EPHA6: variants seen among roughly 807,000 people sequenced by gnomAD.
EPHA6 encodes EPH receptor A6.
A neutral mutation model predicts 112.0 loss-of-function variants in EPHA6; 50 were observed. That is an observed-to-expected ratio of 0.45 (90% CI 0.36 to 0.56). The LOEUF is 0.56. EPHA6 is among the 20% of genes least tolerant of loss of function. The pLI is 0.00. For missense variants in EPHA6, 1,280 were observed against 1,417.4 expected, an observed-to-expected ratio of 0.90 and a Z score of 1.56; for synonymous variants, 529 against 490.7, an observed-to-expected ratio of 1.08 and a Z score of -1.03.
intron 3 of EPHA6, among the ~76,000 whole-genome samples, chr3:97,006,616 T>C (rs2043891461): frequency 6.6e-6 from 1 of 152,118 alleles, no homozygotes; most frequent in Admixed American, 6.6e-5. Flanking sequence ...TCAGTTCTTC[T>C]CTGGTCTTAG....
chr3:96,835,772 C>T (rs1016714175), intron 1 of EPHA6, among the ~76,000 whole-genome samples: 1 of 151,958 alleles, frequency 6.6e-6, no homozygotes, highest in East Asian at 1.9e-4. Context: ...ATTTTGGATA[C>T]CTTTCTTCTT....
Position 96,969,162 on chromosome 3 carries a change from A to G in EPHA6, c.451-18168A>G, listed in dbSNP as rs1343092039. Among the ~76,000 whole-genome samples, 7 of 152,092 alleles carry G rather than the reference A, an allele frequency of 4.6e-5. No homozygotes were observed. In the East Asian group the frequency reaches 7.7e-4, roughly 17 times the overall value. ...GAAATCAGCACCATGGAATTATCAT[A>G]AAAGAATAATACCTCCACTTTGAGA... is the stretch of plus-strand genomic sequence containing the variant. On this transcript the variant is annotated intron_variant, in intron 2 of 17. Transcript: ENST00000389672.
intron 3 of EPHA6, among the ~76,000 whole-genome samples, chr3:97,042,569 C>T (rs996571499): frequency 6.6e-6 from 1 of 152,118 alleles, no homozygotes; most frequent in Non-Finnish European, 1.5e-5. Flanking sequence ...GTACCTATTG[C>T]TAATATTTGT....
At chr3:97,525,359 T>G (rs2092604127) in intron 10 of EPHA6, among the ~76,000 whole-genome samples, 2 of 152,166 alleles carry the variant, frequency 1.3e-5, no homozygotes, top group African/African-American at 4.8e-5. Flanking sequence ...GGTTTCTATA[T>G]TTTATCAAAC....
At chr3:96,956,954 A>G (rs907510454) in intron 2 of EPHA6, among the ~76,000 whole-genome samples, 1 of 151,330 alleles carries the variant, frequency 6.6e-6, no homozygotes, top group Non-Finnish European at 1.5e-5. Flanking sequence ...AATCGCTTGA[A>G]CCCAGGAGGC....
chr3:97,119,629 G>A (rs992607786), intron 3 of EPHA6, among the ~76,000 whole-genome samples: 8 of 151,918 alleles, frequency 5.3e-5, no homozygotes, highest in African/African-American at 1.9e-4. Flanking sequence ...AAAAGCAGGA[G>A]GATTCTGAGT....
chr3:97,208,627 G>A lies in EPHA6; in HGVS notation c.1115-17637G>A, dbSNP rs137954616. On this transcript the variant is annotated intron_variant, in intron 3 of 17. Coordinates refer to ENST00000389672, the MANE Select transcript of EPHA6 (RefSeq NM_001080448.3). ...CTGGACATGGTGGTGCATGCCTGTA[G>A]CCCCAGTTACTTGGCAGGCTGAGGC... Among the ~76,000 whole-genome samples, 62 of 151,988 alleles carry A rather than the reference G, an allele frequency of 4.1e-4. 1 individual carries two copies. In the South Asian group the frequency reaches 6.2e-3, roughly 15 times the overall value.
At chr3:97,485,238 C>T (rs779683688) in intron 10 of EPHA6, among the ~76,000 whole-genome samples, 105 of 152,150 alleles carry the variant, frequency 6.9e-4, no homozygotes, top group Admixed American at 1.1e-3. Flanking sequence ...AGTCCTTTTT[C>T]CTCCAGAAGG....
chr3:96,945,431 C>T (rs548235115), intron 2 of EPHA6, among the ~76,000 whole-genome samples: 2 of 152,242 alleles, frequency 1.3e-5, no homozygotes, highest in East Asian at 1.9e-4. Flanking sequence ...TCAAGGCTAA[C>T]GAAAGTTGTG....
At chr3:97,119,359 A>C (rs553643059) in intron 3 of EPHA6, among the ~76,000 whole-genome samples, 1 of 152,158 alleles carries the variant, frequency 6.6e-6, no homozygotes, top group African/African-American at 2.4e-5. Context: ...AACACTGTCA[A>C]ATGTCTTGAT....
chr3:97,253,661 GA>G (rs773725824), intron 5 of EPHA6, among the ~76,000 whole-genome samples: 5 of 152,012 alleles, frequency 3.3e-5, no homozygotes, highest in Non-Finnish European at 7.4e-5. Flanking sequence ...TATATAAATA[GA>G]AATGTGCTTT....
At chr3:97,268,707 T>A (rs1386660513) in intron 5 of EPHA6, among the ~76,000 whole-genome samples, 1 of 152,162 alleles carries the variant, frequency 6.6e-6, no homozygotes, top group Non-Finnish European at 1.5e-5. Flanking sequence ...TTACTTATAC[T>A]TGAATGTTTA....
chr3:97,606,247 T>G (rs1354225930), intron 12 of EPHA6: 2 of 151,316 alleles, frequency 1.3e-5, no homozygotes. Flanking sequence ...ACTTGCTACC[T>G]AGTAGGCATT....
intron 3 of EPHA6, among the ~76,000 whole-genome samples, chr3:97,108,546 T>C (rs1387985964): frequency 6.6e-6 from 1 of 152,168 alleles, no homozygotes; most frequent in Middle Eastern, 3.2e-3. Flanking sequence ...GTTTGTGTAA[T>C]GCTTCATTAT....
chr3:97,355,715 T>A (rs1256063424), intron 5 of EPHA6, among the ~76,000 whole-genome samples: 2 of 152,174 alleles, frequency 1.3e-5, no homozygotes, highest in African/African-American at 4.8e-5. Context: ...GATTAATCTC[T>A]TCTTTCAGAA....
At chr3:96,837,380 G>A (rs138555149) in intron 1 of EPHA6, among the ~76,000 whole-genome samples, 8 of 152,198 alleles carry the variant, frequency 5.3e-5, no homozygotes, top group African/African-American at 1.7e-4. Context: ...AGGACATAAT[G>A]TTTGTTCAGA....
At chr3:97,179,784 TG>T (rs2076938725) in intron 3 of EPHA6, among the ~76,000 whole-genome samples, 1 of 138,768 alleles carries the variant, frequency 7.2e-6, no homozygotes, top group Non-Finnish European at 1.5e-5. Context: ...AAGCTGGAGG[TG>T]GGGTGTTACA....
intron 5 of EPHA6, among the ~76,000 whole-genome samples, chr3:97,300,721 A>G (rs1250188646): frequency 6.6e-6 from 1 of 152,148 alleles, no homozygotes; most frequent in Non-Finnish European, 1.5e-5. Context: ...TCAAAGGGAC[A>G]GGGGTCAGGG....
At chr3:97,545,219 T>A (rs2092927612) in intron 11 of EPHA6, among the ~76,000 whole-genome samples, 1 of 152,228 alleles carries the variant, frequency 6.6e-6, no homozygotes, top group African/African-American at 2.4e-5. Flanking sequence ...TAAATTTCCC[T>A]CAACACACTG....
Sources: gnomAD v4.1 joint callset for allele counts (sites outside exome capture counted in the v4.1 genomes callset) on GRCh38, gnomAD v4.1.1 for gene constraint, MANE v1.5 for transcripts, NCBI Gene and HGNC (gene_info 2026-07-23, HGNC 2026-07-21) for gene names.